Variants in PDCD6IP observed in about 807,000 individuals in gnomAD.
The protein encoded by PDCD6IP is programmed cell death 6-interacting protein.
PDCD6IP carries 43 observed loss-of-function variants against 103.7 expected under a neutral mutation model. That is an observed-to-expected ratio of 0.41 (90% CI 0.32 to 0.53). The LOEUF is 0.53. PDCD6IP is among the 20% of genes least tolerant of loss of function. PDCD6IP has a pLI of 0.16. For synonymous variants in PDCD6IP, 354 were observed against 378.7 expected (o/e 0.93, Z 0.76); for missense variants, 871 against 1,036.7 (o/e 0.84, Z 2.20).
At chr3:33,860,913 GTTAA>G (rs1697936779) in intron 15 of PDCD6IP, among the ~76,000 whole-genome samples, 1 of 151,672 alleles carries the variant, frequency 6.6e-6, no homozygotes, top group Admixed American at 6.6e-5. Flanking sequence ...TCTGGTTCTG[GTTAA>G]TTAAATAAAA....
Position 33,867,692 on chromosome 3 carries a change from A to AC in PDCD6IP, c.*1168dup, listed in dbSNP as rs1400077757. ...ATAAACCTCAGTAAAAATAGTGAAG[A>AC]CATGCATCATGGAATGAGAAAATGA... On this transcript the variant is annotated 3_prime_UTR_variant, in exon 18 of 18. Transcript: ENST00000307296. 1 of 152,240 alleles carries AC rather than the reference A, an allele frequency of 6.6e-6. No individual in the cohort carries two copies. Among genetic ancestry groups the AC allele is most frequent in the Non-Finnish European group, 1.5e-5 (1 of 68,030 alleles). The allele number at this position is 152,240 out of a possible 1,614,324, so 9.4% of individuals were successfully genotyped here. A position where few individuals can be genotyped will look rare whatever the true frequency, so the allele number is the denominator to read the frequency against.
chr3:33,822,961 G>A (rs1053827966), intron 4 of PDCD6IP, among the ~76,000 whole-genome samples: 1 of 151,938 alleles, frequency 6.6e-6, no homozygotes, highest in East Asian at 1.9e-4. Context: ...CCGGCCAGCA[G>A]TTGTTTATTA....
chr3:33,843,951 T>A, intron 10 of PDCD6IP, 161 bp from the exon 11 acceptor site: 1 of 462,572 alleles, frequency 2.2e-6, no homozygotes, highest in Non-Finnish European at 3.9e-6. Context: ...TTAAATGCAT[T>A]ATAACTTAGA....
intron 9 of PDCD6IP, among the ~76,000 whole-genome samples, chr3:33,839,608 C>T (rs1415520456): frequency 6.6e-6 from 1 of 152,128 alleles, no homozygotes. Context: ...TTTTAGTTCT[C>T]TTGGGTAAAT....
At chr3:33,830,484 A>G (rs1697222042) in intron 7 of PDCD6IP, among the ~76,000 whole-genome samples, 1 of 152,194 alleles carries the variant, frequency 6.6e-6, no homozygotes, top group Non-Finnish European at 1.5e-5. Context: ...AAAGGAAACT[A>G]TTTCAGATTC....
intron 1 of PDCD6IP, among the ~76,000 whole-genome samples, chr3:33,803,418 G>T (rs1696519075): frequency 6.6e-6 from 1 of 152,048 alleles, no homozygotes; most frequent in African/African-American, 2.4e-5. Flanking sequence ...TTGTTTACTG[G>T]CCACTTTGTT....
intron 3 of PDCD6IP, among the ~76,000 whole-genome samples, chr3:33,821,724 A>G (rs978286360): frequency 6.6e-6 from 1 of 152,210 alleles, no homozygotes; most frequent in African/African-American, 2.4e-5. Flanking sequence ...AAGGAGAGAA[A>G]GAATAACTTA....
At chr3:33,846,765 G>T (rs1000862127) in intron 12 of PDCD6IP, among the ~76,000 whole-genome samples, 1 of 152,206 alleles carries the variant, frequency 6.6e-6, no homozygotes, top group Non-Finnish European at 1.5e-5. Flanking sequence ...TTACAGACAT[G>T]TTGAGAATGG....
Position 33,828,899 on chromosome 3 carries a change from A to G in PDCD6IP, c.764A>G (p.Asn255Ser), listed in dbSNP as rs767322019. 1.9e-6 allele frequency: 3 copies of G among 1,612,474 alleles called. No homozygotes were observed. The highest frequency in any genetic ancestry group is 1.1e-5 in the South Asian group (1 of 90,892). The change falls in exon 7 of 18, where the codon AAT (asparagine) becomes AGT (serine). Residue 255 changes from asparagine (N) to serine (S), a missense_variant. Coordinates refer to ENST00000307296, the MANE Select transcript of PDCD6IP (RefSeq NM_013374.6). ...LAAKHCIMQA[N>S]AEYHQSILAK... ...GCAAAGCACTGTATCATGCAGGCCAATGCTGAGTACCATCAGTCTATCCTG... is the reference window on the plus strand; with the variant it reads ...GCAAAGCACTGTATCATGCAGGCCAGTGCTGAGTACCATCAGTCTATCCTG...
chr3:33,837,083 G>A (rs1156468786), intron 8 of PDCD6IP, among the ~76,000 whole-genome samples: 3 of 151,646 alleles, frequency 2.0e-5, no homozygotes, highest in East Asian at 3.9e-4. Flanking sequence ...ACCTCGCCCA[G>A]CTAGTTTTGT....
intron 12 of PDCD6IP, among the ~76,000 whole-genome samples, chr3:33,850,392 A>G (rs920608312): frequency 2.0e-5 from 3 of 152,056 alleles, no homozygotes; most frequent in Non-Finnish European, 4.4e-5. Flanking sequence ...AATGTTCATG[A>G]TTCAAAAGGT....
intron 6 of PDCD6IP, chr3:33,827,221 A>C: frequency 7.2e-6 from 7 of 973,626 alleles, no homozygotes; most frequent in Non-Finnish European, 7.3e-6. Flanking sequence ...AAAGCAAATC[A>C]CTAGTAAATT....
intron 4 of PDCD6IP, among the ~76,000 whole-genome samples, chr3:33,824,291 T>A (rs1697062446): frequency 6.6e-6 from 1 of 151,704 alleles, no homozygotes. Flanking sequence ...GGAGTCTCGC[T>A]CTGTTGCCCA....
At chr3:33,853,556 C>T (rs1697764685) in intron 13 of PDCD6IP, among the ~76,000 whole-genome samples, 1 of 152,038 alleles carries the variant, frequency 6.6e-6, no homozygotes, top group Non-Finnish European at 1.5e-5. Context: ...ATTTCTACTC[C>T]TAAACATTGT....
At chr3:33,848,234 G>A (rs1418053748) in intron 12 of PDCD6IP, among the ~76,000 whole-genome samples, 1 of 152,058 alleles carries the variant, frequency 6.6e-6, no homozygotes, top group Non-Finnish European at 1.5e-5. Flanking sequence ...TGAGTACCTT[G>A]GTCCCTAACA....
chr3:33,820,573 C>T (rs1349342354), intron 3 of PDCD6IP, among the ~76,000 whole-genome samples: 2 of 152,130 alleles, frequency 1.3e-5, no homozygotes, highest in Non-Finnish European at 2.9e-5. Flanking sequence ...CTCCCCCTAC[C>T]ACCATCCCTG....
At chr3:33,857,226 G>T (rs1697849271) in intron 15 of PDCD6IP, among the ~76,000 whole-genome samples, 1 of 152,114 alleles carries the variant, frequency 6.6e-6, no homozygotes, top group East Asian at 1.9e-4. Context: ...TGTCGCCCAG[G>T]CTGGAGTGCA....
At chr3:33,845,959 C>G (rs1201808139) in intron 12 of PDCD6IP, among the ~76,000 whole-genome samples, 1 of 152,162 alleles carries the variant, frequency 6.6e-6, no homozygotes, top group African/African-American at 2.4e-5. Context: ...ATTCTATACT[C>G]CTTTCCACCT....
intron 3 of PDCD6IP, among the ~76,000 whole-genome samples, chr3:33,817,804 CA>C: frequency 6.7e-6 from 1 of 149,450 alleles, no homozygotes; most frequent in East Asian, 2.0e-4. Context: ...AAGTAAGAAA[CA>C]AGAATACAGT....
Sources: gnomAD v4.1 joint callset for allele counts (sites outside exome capture counted in the v4.1 genomes callset) on GRCh38, gnomAD v4.1.1 for gene constraint, MANE v1.5 for transcripts, NCBI Gene and HGNC (gene_info 2026-07-23, HGNC 2026-07-21) for gene names.